CDC20B: variants seen among roughly 807,000 people sequenced by gnomAD.
CDC20B encodes the protein cell division cycle protein 20 homolog B.
CDC20B carries 58 observed loss-of-function variants against 64.1 expected under a neutral mutation model. The ratio of observed to expected loss-of-function variants is 0.90; its 90% CI spans 0.73 to 1.13. The LOEUF (loss-of-function observed/expected upper bound fraction) is 1.13. Ranked by LOEUF, CDC20B falls within the 50% of genes most tolerant of loss-of-function variation. The probability of loss-of-function intolerance (pLI) is 0.00; values close to 1 mark genes in which losing one functional copy is unlikely to be tolerated. For missense variants in CDC20B, 597 were observed against 633.0 expected (o/e 0.94, Z 0.61); for synonymous variants, 243 against 230.6 (o/e 1.05, Z -0.49).
intron 3 of CDC20B, among the ~76,000 whole-genome samples, chr5:55,146,050 AATC>A (rs1743464868): frequency 6.6e-6 from 1 of 152,206 alleles, no homozygotes; most frequent in South Asian, 2.1e-4. Flanking sequence ...TTACAAAAGT[AATC>A]ATCTAACCAA....
intron 2 of CDC20B, among the ~76,000 whole-genome samples, chr5:55,162,279 C>T (rs1322582207): frequency 6.6e-6 from 1 of 152,016 alleles, no homozygotes. Context: ...ACCTGTAATC[C>T]CAGCTATTCA....
At chr5:55,169,115 C>T (rs903646078) in intron 2 of CDC20B, among the ~76,000 whole-genome samples, 2 of 151,740 alleles carry the variant, frequency 1.3e-5, no homozygotes, top group East Asian at 1.9e-4. Context: ...TGAAATTTAA[C>T]CTTAAAAAAA....
chr5:55,138,288 G>A (rs150027446), intron 5 of CDC20B, among the ~76,000 whole-genome samples: 104 of 151,974 alleles, frequency 6.8e-4, no homozygotes, highest in African/African-American at 2.4e-3. Flanking sequence ...AATCTCCCAA[G>A]TAGCTGGGAT....
intron 8 of CDC20B, among the ~76,000 whole-genome samples, chr5:55,126,805 T>G (rs10051621): frequency 0.031 from 4,746 of 152,300 alleles, 263 homozygotes; most frequent in African/African-American, 0.11. Flanking sequence ...ATACATGTTC[T>G]AGTTTGAGAA....
chr5:55,155,912 G>A (rs544635645), intron 2 of CDC20B, among the ~76,000 whole-genome samples: 7 of 152,254 alleles, frequency 4.6e-5, no homozygotes, highest in South Asian at 4.2e-4. Flanking sequence ...CTTTCTGGGC[G>A]CTTATACAGT....
intron 4 of CDC20B, 77 bp downstream of exon 4, chr5:55,143,436 C>T (rs918032637): frequency 8.5e-6 from 12 of 1,419,714 alleles, no homozygotes; most frequent in Middle Eastern, 3.8e-4. Flanking sequence ...AACTAAGCAA[C>T]TCTTCCCTTA....
rs1238044624 is a variant in CDC20B at position 55,140,335 on chromosome 5, G to C, written c.559C>G (p.Gln187Glu). Residue 187 changes from glutamine to glutamate, a missense_variant, in exon 5 of 12, where the codon CAA becomes GAA. Around this residue, in one of 3 missense-constraint regions of CDC20B, gnomAD observed 3 missense variants for 16.8 expected, o/e 0.18. Coordinates refer to ENST00000381375, the MANE Select transcript of CDC20B (RefSeq NM_001170402.1). Reference protein sequence around the residue: ...QANGKMQLCEQSECVWKGCKD... With the variant: ...QANGKMQLCEESECVWKGCKD... ...GTACCTTTCCAAACACATTCGGATT[G>C]CTCACAGAGCTGCATTTTTCCATTA... 1 of 1,612,854 alleles carries C rather than the reference G, an allele frequency of 6.2e-7. No homozygotes were observed.
chr5:55,131,908 T>C (rs1743041864), intron 6 of CDC20B, among the ~76,000 whole-genome samples: 1 of 151,866 alleles, frequency 6.6e-6, no homozygotes, highest in African/African-American at 2.4e-5. Flanking sequence ...CTACTAAAAA[T>C]ACAAAAATTA....
intron 7 of CDC20B, 69 bp from the exon 8 acceptor site, chr5:55,127,420 T>G: frequency 8.3e-7 from 1 of 1,206,896 alleles, no homozygotes; most frequent in East Asian, 2.3e-5. Flanking sequence ...CTCAAAGGCC[T>G]GAGAGCCAAT....
chr5:55,158,372 T>C (rs1278809097), intron 2 of CDC20B, among the ~76,000 whole-genome samples: 2 of 152,230 alleles, frequency 1.3e-5, no homozygotes, highest in Middle Eastern at 3.2e-3. Context: ...ACATCTTACA[T>C]ACATTTTTGT....
intron 9 of CDC20B, among the ~76,000 whole-genome samples, chr5:55,120,974 TA>T (rs1228275207): frequency 6.6e-6 from 1 of 152,146 alleles, no homozygotes; most frequent in African/African-American, 2.4e-5. Context: ...AGTGGTCAGA[TA>T]AGAGAAAAGA....
At position 55,113,795 on chromosome 5, in the gene CDC20B, T is replaced by C. The variant is rs1438487338; in HGVS notation, c.*423A>G. 6.3e-6 allele frequency: 1 copy of C among 158,584 alleles called. No homozygotes were observed. The highest frequency in any genetic ancestry group is 1.4e-5 in the Non-Finnish European group (1 of 72,268). The allele number at this position is 158,584 out of a possible 1,614,324, so 9.8% of individuals were successfully genotyped here. A position where few individuals can be genotyped will look rare whatever the true frequency, so the allele number is the denominator to read the frequency against. Reference sequence around the variant, plus strand: ...TCAAGTGAATGAGTTGTGTTTTCAATGTGTTGAGATTGAGCTAAAGACAGG... The same window carrying C: ...TCAAGTGAATGAGTTGTGTTTTCAACGTGTTGAGATTGAGCTAAAGACAGG... On this transcript the variant is annotated 3_prime_UTR_variant, in exon 12 of 12. Coordinates refer to ENST00000381375, the MANE Select transcript of CDC20B (RefSeq NM_001170402.1).
chr5:55,146,776 C>T lies in CDC20B; in HGVS notation c.207G>A (p.Ala69=), dbSNP rs1343703100. ...AKRLSAEVPV[A]SSPITTRWQQ... Reference sequence around the variant, plus strand: ...GCCACCTTGTGGTAATGGGGCTACTCGCAACAGGAACCTCTGCGGACAGCC... The same window carrying T: ...GCCACCTTGTGGTAATGGGGCTACTTGCAACAGGAACCTCTGCGGACAGCC... The change falls in exon 3 of 12, where the codon GCG becomes GCA. Residue 69 remains alanine (A), a synonymous_variant. Transcript: ENST00000381375. 4.3e-6 allele frequency: 7 copies of T among 1,614,016 alleles called. No homozygotes were observed. Among genetic ancestry groups the T allele is most frequent in the Middle Eastern group, 1.6e-4 (1 of 6,084 alleles).
rs1202554480 is a variant in CDC20B, at chr5:55,172,360, C to G, written c.126+228G>C. 3 of 494,040 alleles carry G rather than the reference C, an allele frequency of 6.1e-6. No homozygotes were observed. The South Asian group carries it at 7.1e-5, about 12-fold the overall frequency. 30.6% of individuals were successfully genotyped at this position (494,040 alleles called of 1,614,324 possible). Reference sequence around the variant, plus strand: ...CTACCTGACACATCCCAGCTTTATCCTTTGCTGTGGAGGCAGAAACTAGAA... The same window carrying G: ...CTACCTGACACATCCCAGCTTTATCGTTTGCTGTGGAGGCAGAAACTAGAA... On this transcript the variant is annotated intron_variant, in intron 2 of 11. Transcript: ENST00000381375.
At chr5:55,120,605 A>G in intron 9 of CDC20B, 55 bp from the exon 10 acceptor site, 1 of 1,597,644 alleles carries the variant, frequency 6.3e-7, no homozygotes, top group Non-Finnish European at 8.5e-7. Context: ...AGGTGCACTC[A>G]TGAATGTGAT....
intron 2 of CDC20B, among the ~76,000 whole-genome samples, chr5:55,150,879 G>C (rs565516621): frequency 6.9e-4 from 105 of 152,202 alleles, no homozygotes; most frequent in Middle Eastern, 3.4e-3. Context: ...ACCAGTAGCT[G>C]GGACTACAGG....
chr5:55,139,432 A>G (rs552035167), intron 5 of CDC20B, among the ~76,000 whole-genome samples: 2 of 152,358 alleles, frequency 1.3e-5, no homozygotes, highest in South Asian at 2.1e-4. Flanking sequence ...AAGGGAGGAC[A>G]TCAAGGAAAA....
rs930334686 is a variant in CDC20B, at chr5:55,114,062, A to G, written c.*156T>C. 3.8e-6 allele frequency: 5 copies of G among 1,331,356 alleles called. No homozygotes were observed. The highest frequency in any genetic ancestry group is 5.0e-6 in the Non-Finnish European group (5 of 1,006,092). The allele number at this position is 1,331,356 out of a possible 1,614,324, so 82.5% of individuals were successfully genotyped here. ...GGATCTCTGGGAAGCAGAGCAAGTA[A>G]AGCAATCTGCAAAAGAAGAACAGGA... is the stretch of plus-strand genomic sequence containing the variant. On this transcript the variant is annotated 3_prime_UTR_variant, in exon 12 of 12. Coordinates refer to ENST00000381375, the MANE Select transcript of CDC20B (RefSeq NM_001170402.1). The surrounding 1 kb of genome is among the most constrained non-coding windows in gnomAD (Gnocchi z 4.1).
At chr5:55,119,585 G>A (rs1243292586) in intron 11 of CDC20B, among the ~76,000 whole-genome samples, 2 of 152,206 alleles carry the variant, frequency 1.3e-5, no homozygotes, top group African/African-American at 2.4e-5. Context: ...ATGCAAGGAG[G>A]AGATGACTTA....
Sources: gnomAD v4.1 joint callset for allele counts (sites outside exome capture counted in the v4.1 genomes callset) on GRCh38, gnomAD v4.1.1 for gene constraint, gnomAD v4.1.1 regional missense constraint, Gnocchi (gnomAD v3.1) non-coding constraint, MANE v1.5 for transcripts, NCBI Gene and HGNC (gene_info 2026-07-23, HGNC 2026-07-21) for gene names.